SAMSN1: variants seen among roughly 807,000 people sequenced by gnomAD.
SAMSN1 encodes the protein SAM domain-containing protein SAMSN-1.
Under a neutral mutation model 42.0 loss-of-function variants are expected in SAMSN1, and 31 were observed. The ratio of observed to expected loss-of-function variants is 0.74; its 90% CI spans 0.55 to 1.00. SAMSN1 has a LOEUF of 1.00. SAMSN1 is among the 50% of genes least tolerant of loss of function. The pLI is 0.00. For missense variants in SAMSN1, 464 were observed against 439.4 expected (o/e 1.06, Z -0.50); for synonymous variants, 178 against 151.9 (o/e 1.17, Z -1.26).
At chr21:14,549,364 T>C (rs1182343625), upstream of SAMSN1, among the ~76,000 whole-genome samples, 2 of 152,174 alleles carry the variant, frequency 1.3e-5, no homozygotes, top group Non-Finnish European at 2.9e-5. Context: ...TTTTAGGACA[T>C]GTACACTGGT....
chr21:14,561,191 C>T (rs544227973), intron 2 of SAMSN1, among the ~76,000 whole-genome samples: 10 of 152,136 alleles, frequency 6.6e-5, no homozygotes, highest in African/African-American at 2.2e-4. Context: ...GTCATGTGGC[C>T]TCATCCAGAG....
intron 4 of SAMSN1, among the ~76,000 whole-genome samples, chr21:14,609,929 C>T (rs947713602): frequency 2.0e-5 from 3 of 152,144 alleles, no homozygotes; most frequent in African/African-American, 7.2e-5. Context: ...TTTCCTATGC[C>T]TGTCTTTACT....
chr21:14,541,262 A>G (rs1980010030), intron 1 of SAMSN1, among the ~76,000 whole-genome samples: 1 of 152,034 alleles, frequency 6.6e-6, no homozygotes. Flanking sequence ...CCTAGAACTT[A>G]AAGTATAATA....
At chr21:14,611,557 G>T (rs1184809549) in intron 4 of SAMSN1, among the ~76,000 whole-genome samples, 1 of 152,192 alleles carries the variant, frequency 6.6e-6, no homozygotes, top group African/African-American at 2.4e-5. Flanking sequence ...AGAAATATTG[G>T]TTGTACTGTA....
At chr21:14,609,486 T>A (rs748572445) in exon 5 of SAMSN1, 7 of 717,914 alleles carry the variant, frequency 9.8e-6, no homozygotes, top group Admixed American at 2.0e-5. Context: ...AATTACCTTT[T>A]AGCTGACAGG....
chr21:14,517,833 A>C (rs914735176), intron 2 of SAMSN1, among the ~76,000 whole-genome samples: 3 of 152,122 alleles, frequency 2.0e-5, no homozygotes, highest in Non-Finnish European at 2.9e-5. Context: ...TATATATTAC[A>C]TTATATAGAA....
chr21:14,530,316 CA>C (rs71183428), intron 1 of SAMSN1, among the ~76,000 whole-genome samples: 899 of 75,718 alleles, frequency 0.012, 4 homozygotes, highest in Middle Eastern at 0.051. Flanking sequence ...GACTCCGTCT[CA>C]AAAAAAAAAA....
chr21:14,596,950 G>A (rs147985068), intron 6 of SAMSN1, among the ~76,000 whole-genome samples: 21 of 152,244 alleles, frequency 1.4e-4, no homozygotes, highest in African/African-American at 5.1e-4. Flanking sequence ...AAAGTAATTT[G>A]TTATGCGTCA....
upstream of SAMSN1, among the ~76,000 whole-genome samples, chr21:14,548,927 C>T (rs987554807): frequency 6.6e-6 from 1 of 152,114 alleles, no homozygotes; most frequent in Non-Finnish European, 1.5e-5. Context: ...AACCCTGTTG[C>T]TTAACATGTA....
intron 6 of SAMSN1, among the ~76,000 whole-genome samples, 196 bp downstream of exon 6, chr21:14,500,333 C>T (rs1447647496): frequency 6.6e-6 from 1 of 152,016 alleles, no homozygotes; most frequent in African/African-American, 2.4e-5. Flanking sequence ...AAGGTATAGT[C>T]CAAGGGATAT....
chr21:14,530,333 A>G (rs368021048), intron 1 of SAMSN1, among the ~76,000 whole-genome samples: 581 of 56,834 alleles, frequency 0.01, 1 homozygote, highest in Middle Eastern at 0.062. Context: ...AAAAAAAAAA[A>G]AAAGAAAGAA....
At chr21:14,512,668 T>C in intron 3 of SAMSN1, 95 bp from the exon 4 acceptor site, 1 of 1,173,410 alleles carries the variant, frequency 8.5e-7, no homozygotes. Context: ...ATTTTAGCAA[T>C]AAAATACTTA....
intron 5 of SAMSN1, among the ~76,000 whole-genome samples, chr21:14,606,124 A>G (rs7275207): frequency 0.64 from 97,404 of 151,898 alleles, 31,366 homozygotes; most frequent in East Asian, 0.68. Flanking sequence ...ACAGGCGTGA[A>G]CCACTGCGCC....
At chr21:14,506,123 G>A (rs1404637212) in intron 5 of SAMSN1, among the ~76,000 whole-genome samples, 1 of 152,038 alleles carries the variant, frequency 6.6e-6, no homozygotes, top group Non-Finnish European at 1.5e-5. Context: ...CAAAAGGTCT[G>A]AAAGAGCCCA....
intron 1 of SAMSN1, among the ~76,000 whole-genome samples, chr21:14,544,200 G>A (rs927586327): frequency 5.3e-5 from 8 of 152,132 alleles, no homozygotes; most frequent in African/African-American, 1.4e-4. Flanking sequence ...ACATGCACGT[G>A]CCACCATGCC....
upstream of SAMSN1, among the ~76,000 whole-genome samples, chr21:14,584,595 G>A (rs975092374): frequency 3.3e-5 from 5 of 152,102 alleles, no homozygotes; most frequent in African/African-American, 1.2e-4. Flanking sequence ...AAGTTTTATA[G>A]GAATTGATAA....
At chr21:14,551,391 C>T (rs1235030810) in intron 2 of SAMSN1, among the ~76,000 whole-genome samples, 1 of 152,038 alleles carries the variant, frequency 6.6e-6, no homozygotes, top group Non-Finnish European at 1.5e-5. Context: ...TCATAAATTA[C>T]ATCTATGCCT....
chr21:14,494,562 TG>T (rs1383207836), intron 7 of SAMSN1, among the ~76,000 whole-genome samples: 1 of 151,278 alleles, frequency 6.6e-6, no homozygotes, highest in Non-Finnish European at 1.5e-5. Flanking sequence ...TGTCAGGGGG[TG>T]GGGGGCTAGG....
At chr21:14,598,538 G>A (rs370735530) in intron 6 of SAMSN1, among the ~76,000 whole-genome samples, 1 of 152,090 alleles carries the variant, frequency 6.6e-6, no homozygotes, top group Non-Finnish European at 1.5e-5. Context: ...CCACAAGCCT[G>A]GTTCTCCAGG....
Sources: allele counts gnomAD v4.1 joint callset (sites outside exome capture counted in the v4.1 genomes callset), GRCh38; gene constraint gnomAD v4.1.1; transcripts MANE v1.5; gene names NCBI Gene and HGNC (gene_info 2026-07-23, HGNC 2026-07-21).